Variants in DSE observed in about 807,000 individuals in gnomAD.
DSE encodes dermatan sulfate epimerase.
A neutral mutation model predicts 84.4 loss-of-function variants in DSE; 36 were observed. The ratio of observed to expected loss-of-function variants is 0.43; its 90% CI spans 0.33 to 0.56. The LOEUF (loss-of-function observed/expected upper bound fraction) is 0.56. DSE is among the 20% of genes least tolerant of loss of function. DSE has a pLI of 0.06. For synonymous variants in DSE, 410 were observed against 430.1 expected, an observed-to-expected ratio of 0.95 and a Z score of 0.58; for missense variants, 862 against 1,169.6, an observed-to-expected ratio of 0.74 and a Z score of 3.84.
At chr6:116,324,052 G>A (rs566409186) in intron 2 of DSE, among the ~76,000 whole-genome samples, 2 of 152,222 alleles carry the variant, frequency 1.3e-5, no homozygotes, top group South Asian at 2.1e-4. Context: ...AGAAAAGGAA[G>A]TGCCCACCTG....
intron 2 of DSE, among the ~76,000 whole-genome samples, chr6:116,286,383 A>G (rs1008631878): frequency 5.9e-5 from 9 of 152,096 alleles, no homozygotes; most frequent in Admixed American, 5.9e-4. Context: ...TCCCCTATCC[A>G]CAAGCATATT....
intron 2 of DSE, among the ~76,000 whole-genome samples, chr6:116,306,408 C>G (rs918311952): frequency 1.3e-5 from 2 of 152,282 alleles, no homozygotes; most frequent in East Asian, 1.9e-4. Context: ...ACATTATGCT[C>G]AGGGAGTTTC....
intron 2 of DSE, among the ~76,000 whole-genome samples, chr6:116,298,175 G>T (rs997569325): frequency 2.6e-5 from 4 of 152,182 alleles, no homozygotes; most frequent in Non-Finnish European, 5.9e-5. Context: ...CTGTTGTGAA[G>T]ATTAAATGAG....
At position 116,310,138 on chromosome 6, in the gene DSE, A is replaced by G. The variant is rs373270791; in HGVS notation, c.-54+51171A>G. ...TTACTGTTTTACAGTTGAGGAAGCC[A>G]CAGGTCAAAGTCTGGATCCTATGAC... On this transcript the variant is annotated intron_variant, in intron 2 of 3. Coordinates refer to the DSE transcript ENST00000430252. 1.0e-3 allele frequency among the ~76,000 whole-genome samples: 157 copies of G among 152,330 alleles called. No homozygotes were observed. In the South Asian group the frequency reaches 0.02, roughly 19 times the overall value.
intron 2 of DSE, among the ~76,000 whole-genome samples, 187 bp from the exon 3 acceptor site, chr6:116,426,387 A>G (rs1025559076): frequency 6.6e-6 from 1 of 152,200 alleles, no homozygotes; most frequent in Admixed American, 6.5e-5. Context: ...TGTTTACTAT[A>G]TAATTTTTAC....
chr6:116,280,011 G>T, intron 2 of DSE: 1 of 817,296 alleles, frequency 1.2e-6, no homozygotes, highest in Admixed American at 2.1e-5. Flanking sequence ...TGGTTCCGCC[G>T]CTCCCTGCCA....
chr6:116,258,931 T>C (rs878939778), exon 2 of DSE: 1 of 1,557,072 alleles, frequency 6.4e-7, no homozygotes, highest in Non-Finnish European at 8.9e-7. Flanking sequence ...CTGAGCTTTG[T>C]GGAAGCATTT....
intron 5 of DSE, among the ~76,000 whole-genome samples, 189 bp from the exon 6 acceptor site, chr6:116,435,398 C>T (rs1427040385): frequency 6.6e-6 from 1 of 152,212 alleles, no homozygotes; most frequent in Non-Finnish European, 1.5e-5. Flanking sequence ...AAATATTCCT[C>T]TTCCAGTCAC....
At chr6:116,279,278 C>G in intron 2 of DSE, 1 of 1,578,150 alleles carries the variant, frequency 6.3e-7, no homozygotes, top group African/African-American at 1.6e-5. Flanking sequence ...TCCTCCATTA[C>G]CTCCTTCTCC....
chr6:116,261,434 G>T (rs1185730884), intron 2 of DSE, among the ~76,000 whole-genome samples: 1 of 152,092 alleles, frequency 6.6e-6, no homozygotes, highest in Non-Finnish European at 1.5e-5. Flanking sequence ...TTTTTGGTGT[G>T]TAGGAATGCT....
intron 2 of DSE, among the ~76,000 whole-genome samples, chr6:116,323,286 G>A (rs1188689663): frequency 6.6e-6 from 1 of 152,156 alleles, no homozygotes; most frequent in Non-Finnish European, 1.5e-5. Flanking sequence ...CCTATACTGA[G>A]AAATATAAGA....
intron 2 of DSE, among the ~76,000 whole-genome samples, chr6:116,274,677 A>G (rs1166412059): frequency 6.6e-6 from 1 of 152,182 alleles, no homozygotes; most frequent in African/African-American, 2.4e-5. Flanking sequence ...TCAATTTGGC[A>G]TCAAAATCTA....
chr6:116,280,098 C>T (rs1562199699), intron 2 of DSE: 1 of 549,832 alleles, frequency 1.8e-6, no homozygotes. Context: ...AAATAAATGT[C>T]GATTGTGCTG....
At chr6:116,259,562 G>T (rs1772315297) in intron 2 of DSE, among the ~76,000 whole-genome samples, 2 of 152,152 alleles carry the variant, frequency 1.3e-5, no homozygotes, top group South Asian at 2.1e-4. Context: ...AGGTAAACGT[G>T]TCACTGGGGT....
chr6:116,361,652 T>C (rs547419431), intron 2 of DSE, among the ~76,000 whole-genome samples: 1 of 152,200 alleles, frequency 6.6e-6, no homozygotes, highest in South Asian at 2.1e-4. Context: ...CAAGACCCCA[T>C]CTCTGGAAAG....
chr6:116,259,816 G>A (rs1279362448), intron 2 of DSE, among the ~76,000 whole-genome samples: 1 of 152,140 alleles, frequency 6.6e-6, no homozygotes, highest in Non-Finnish European at 1.5e-5. Flanking sequence ...CAAAGGACAT[G>A]ATCTCATTCT....
rs1169350759 is a variant in DSE, at chr6:116,437,380, T to A, written c.*35T>A. The A allele has an allele frequency of 1.3e-6, 2 of 1,503,952 alleles. No individual in the cohort carries two copies. The highest frequency in any genetic ancestry group is 4.7e-5 in the Admixed American group (2 of 42,402). 93.2% of individuals were successfully genotyped at this position (1,503,952 alleles called of 1,614,324 possible). On this transcript the variant is annotated 3_prime_UTR_variant, in exon 6 of 6. Transcript: ENST00000644252. Reference sequence around the variant, plus strand: ...TATAAATTACCTGGTCATTTTGTGATCACAAGAGTCTATGCAAAAAAAAAA... The same window carrying A: ...TATAAATTACCTGGTCATTTTGTGAACACAAGAGTCTATGCAAAAAAAAAA...
chr6:116,430,314 T>A (rs1052538722), intron 3 of DSE, among the ~76,000 whole-genome samples: 2 of 152,366 alleles, frequency 1.3e-5, no homozygotes, highest in Admixed American at 1.3e-4. Context: ...ATGTGCAGCC[T>A]ATTACAAATT....
intron 2 of DSE, among the ~76,000 whole-genome samples, chr6:116,327,540 G>C (rs1002336712): frequency 1.4e-4 from 21 of 152,158 alleles, no homozygotes; most frequent in African/African-American, 4.8e-4. Flanking sequence ...AAGATCTTGG[G>C]CAAATGATAT....
Sources: gnomAD v4.1 joint callset for allele counts (sites outside exome capture counted in the v4.1 genomes callset) on GRCh38, gnomAD v4.1.1 for gene constraint, MANE v1.5 for transcripts, NCBI Gene and HGNC (gene_info 2026-07-23, HGNC 2026-07-21) for gene names.